Variants in DNMT1 observed in about 807,000 individuals in gnomAD.
DNMT1 encodes the protein DNA methyltransferase 1.
A neutral mutation model predicts 205.3 loss-of-function variants in DNMT1; 24 were observed. The ratio of observed to expected loss-of-function variants is 0.12; its 90% CI spans 0.08 to 0.16. The LOEUF (loss-of-function observed/expected upper bound fraction) is 0.16. Among genes scored for constraint, DNMT1 ranks in the 10% least tolerant of loss-of-function variants. DNMT1 has a pLI of 1.00. For synonymous variants in DNMT1, 817 were observed against 839.8 expected, an observed-to-expected ratio of 0.97 and a Z score of 0.47; for missense variants, 1,293 against 2,177.7, an observed-to-expected ratio of 0.59 and a Z score of 8.09.
Position 10,154,041 on chromosome 19 carries a change from G to C in DNMT1, c.2019+252C>G, listed in dbSNP as rs1390158239. Among the ~76,000 whole-genome samples, 1 of 152,214 alleles carries C rather than the reference G, an allele frequency of 6.6e-6. No homozygotes were observed. Among genetic ancestry groups the C allele is most frequent in the African/African-American group, 2.4e-5 (1 of 41,454 alleles). ...GATGCAGGCACAGCAGAGCCACCCA[G>C]AAGCCAGGCTCTTCAATTAAGGACA... On this transcript the variant is annotated intron_variant, in intron 22 of 40. Coordinates refer to ENST00000359526, the MANE Select transcript of DNMT1 (RefSeq NM_001130823.3). The surrounding 1 kb of genome is among the most constrained non-coding windows in gnomAD (Gnocchi z 6.3).
intron 30 of DNMT1, chr19:10,141,776 C>G (rs1451781312): frequency 5.5e-6 from 3 of 541,844 alleles, no homozygotes; most frequent in Non-Finnish European, 9.9e-6. Context: ...GTTAGGTTCT[C>G]TAATGACGTA....
chr19:10,134,709 T>C (rs926297913), intron 39 of DNMT1, among the ~76,000 whole-genome samples: 1 of 149,764 alleles, frequency 6.7e-6, no homozygotes, highest in Admixed American at 6.7e-5. Flanking sequence ...CAAAAACTAA[T>C]TAGCTGGGCA....
intron 39 of DNMT1, chr19:10,135,331 T>TATG: frequency 3.9e-6 from 1 of 254,948 alleles, no homozygotes; most frequent in Non-Finnish European, 7.9e-6. Context: ...GCGCGTGCCC[T>TATG]ATGATGAAAA....
chr19:10,140,757 G>A lies in DNMT1; in HGVS notation c.3523+24C>T. On this transcript the variant is annotated intron_variant, in intron 32 of 40. Coordinates refer to ENST00000359526, the MANE Select transcript of DNMT1 (RefSeq NM_001130823.3). This position sits in a 1 kb window ranked among gnomAD's most constrained non-coding sequence, Gnocchi z 8.4. ...CCGGTCTGGGCTCACCAGGTATTCA[G>A]AGATGGAGCCTACGGGCGCTCACCT... 6.2e-7 allele frequency: 1 copy of A among 1,613,974 alleles called. No homozygotes were observed. Among genetic ancestry groups the A allele is most frequent in the South Asian group, 1.1e-5 (1 of 91,074 alleles).
At chr19:10,160,318 T>G in intron 14 of DNMT1, 66 bp downstream of exon 14, 2 of 1,606,038 alleles carry the variant, frequency 1.2e-6, no homozygotes, top group Non-Finnish European at 1.7e-6. Flanking sequence ...CCCCTTCCCT[T>G]TTGTTCTAGA....
chr19:10,149,115 G>A (rs1404411265), intron 26 of DNMT1, 98 bp from the exon 27 acceptor site: 2 of 1,523,306 alleles, frequency 1.3e-6, no homozygotes, highest in East Asian at 4.8e-5. Context: ...CCTAAGGTCA[G>A]GAGTTCGAGA....
At chr19:10,172,403 C>T (rs1377968644) in intron 9 of DNMT1, among the ~76,000 whole-genome samples, 3 of 132,224 alleles carry the variant, frequency 2.3e-5, no homozygotes, top group Non-Finnish European at 4.7e-5. Flanking sequence ...AAGACTCCAT[C>T]TCAAAAAAAA....
At chr19:10,142,580 G>A (rs1405671537) in intron 29 of DNMT1, among the ~76,000 whole-genome samples, 1 of 148,818 alleles carries the variant, frequency 6.7e-6, no homozygotes, top group Admixed American at 6.7e-5. Context: ...GAACTGCAAG[G>A]TAGATTCCCC....
chr19:10,141,771 G>A (rs1354263110), intron 30 of DNMT1: 1 of 529,050 alleles, frequency 1.9e-6, no homozygotes, highest in Non-Finnish European at 3.4e-6. Context: ...AAAACGTTAG[G>A]TTCTCTAATG....
In DNMT1 at chr19:10,151,556, A is replaced by G; in HGVS notation, c.2118-11T>C. Reference sequence around the variant, plus strand: ...GCCATATTGGGACACCTGCAATGTCACTGGTTATACCTAAGGCCCCTTTTC... The same window carrying G: ...GCCATATTGGGACACCTGCAATGTCGCTGGTTATACCTAAGGCCCCTTTTC... On this transcript the variant is annotated splice_polypyrimidine_tract_variant and intron_variant, in intron 23 of 40. Transcript: ENST00000359526. The surrounding 1 kb of genome is among the most constrained non-coding windows in gnomAD (Gnocchi z 5.0). 1 of 1,613,404 alleles carries G rather than the reference A, an allele frequency of 6.2e-7. No individual in the cohort carries two copies. The highest frequency in any genetic ancestry group is 8.5e-7 in the Non-Finnish European group (1 of 1,180,020).
intron 19 of DNMT1, 74 bp from the exon 20 acceptor site, chr19:10,155,130 G>T: frequency 6.3e-7 from 1 of 1,594,372 alleles, no homozygotes; most frequent in Non-Finnish European, 8.6e-7. Flanking sequence ...GGGCATGGAG[G>T]AGTCTACCAA....
At chr19:10,150,434 T>C (rs2038313896) in intron 24 of DNMT1, among the ~76,000 whole-genome samples, 1 of 152,170 alleles carries the variant, frequency 6.6e-6, no homozygotes. Context: ...CTACCTGACC[T>C]TCTCCATCTC....
In DNMT1 at chr19:10,133,642, A is replaced by T. The variant is rs1459005103; in HGVS notation, c.*25T>A. ...GCATGTTGGGGATTCCTGGTGCCAGAAACAGGGGTGACGGGAGGGCAGAAC... is the reference window on the plus strand; with the variant it reads ...GCATGTTGGGGATTCCTGGTGCCAGTAACAGGGGTGACGGGAGGGCAGAAC... On this transcript the variant is annotated 3_prime_UTR_variant, in exon 41 of 41. Transcript: ENST00000359526. This position sits in a 1 kb window ranked among gnomAD's most constrained non-coding sequence, Gnocchi z 4.1. 1.3e-6 allele frequency: 2 copies of T among 1,594,970 alleles called. No homozygotes were observed. The highest frequency in any genetic ancestry group is 1.7e-6 in the Non-Finnish European group (2 of 1,169,904).
In DNMT1 at chr19:10,146,457, G is replaced by A. The variant is rs2145283472; in HGVS notation, c.2788C>T (p.Leu930Phe). Residue 930 changes from leucine to phenylalanine, a missense_variant, in exon 28 of 41, where the codon CTC (leucine) becomes TTC (phenylalanine). By Grantham distance (22) the Leu-to-Phe change is conservative (BLOSUM62 0). Around this residue, in one of 13 missense-constraint regions of DNMT1, gnomAD observed 112 missense variants for 116.6 expected, o/e 0.96. Transcript: ENST00000359526. This position sits in a 1 kb window ranked among gnomAD's most constrained non-coding sequence, Gnocchi z 4.4. ...QKEIPRVLEQ[L>F]EDLDSRVLYY... ...AGGACCCGGCTATCCAGGTCCTCGAGCTGCTCCAGGACCCTGGGGATTTCT... is the reference window on the plus strand; with the variant it reads ...AGGACCCGGCTATCCAGGTCCTCGAACTGCTCCAGGACCCTGGGGATTTCT... 5.0e-6 allele frequency: 8 copies of A among 1,614,158 alleles called. No individual in the cohort carries two copies. Among genetic ancestry groups the A allele is most frequent in the Non-Finnish European group, 5.9e-6 (7 of 1,180,020 alleles).
Position 10,155,873 on chromosome 19 carries a change from G to A in DNMT1, c.1472C>T (p.Ala491Val). ...WITGFDGGEK[A>V]LIGFSTSFAE... ...CTTACAGGTGCTGAAGCCGATGAGG[G>A]CCTTTTCACCTCCATCAAAGCCAGT... The change falls in exon 19 of 41, where the codon GCC becomes GTC. Residue 491 changes from alanine (A) to valine (V), a missense_variant. Around this residue, in one of 13 missense-constraint regions of DNMT1, gnomAD observed 120 missense variants for 315.9 expected, o/e 0.38. Transcript: ENST00000359526. 6.2e-7 allele frequency: 1 copy of A among 1,613,700 alleles called. No homozygotes were observed. Among genetic ancestry groups the A allele is most frequent in the Non-Finnish European group, 8.5e-7 (1 of 1,179,842 alleles).
chr19:10,173,834 C>A, intron 8 of DNMT1, 37 bp downstream of exon 8: 1 of 1,610,962 alleles, frequency 6.2e-7, no homozygotes, highest in South Asian at 1.1e-5. Flanking sequence ...TTACACAACT[C>A]GTAGAACAAA....
rs2145260559 is a variant in DNMT1, at chr19:10,138,528, C to G, written c.4026G>C (p.Leu1342=). ...CAAACACGTGCAGTGGCTCCGGGAA[C>G]AGAGGGAGCTTCTCTCCAGGGGCCG... is the stretch of plus-strand genomic sequence containing the variant. The part of the protein sequence containing the change: ...LAAAPGEKLP[L]FPEPLHVFAP... The change falls in exon 35 of 41, where the codon CTG becomes CTC. Residue 1342 remains leucine (L), a synonymous_variant. Coordinates refer to ENST00000359526, the MANE Select transcript of DNMT1 (RefSeq NM_001130823.3). This position sits in a 1 kb window ranked among gnomAD's most constrained non-coding sequence, Gnocchi z 4.1. 2 of 1,612,964 alleles carry G rather than the reference C, an allele frequency of 1.2e-6. No homozygotes were observed. Among genetic ancestry groups the G allele is most frequent in the Non-Finnish European group, 1.7e-6 (2 of 1,180,036 alleles).
chr19:10,180,405 T>C lies in DNMT1; in HGVS notation c.390A>G (p.Lys130=), dbSNP rs373499917. Residue 130 remains lysine (K), a synonymous_variant, in exon 4 of 41, where the codon AAA becomes AAG. Transcript: ENST00000359526. ...VGMADANSPP[K]PLSKPRTPRR... The stretch of plus-strand genomic sequence containing the variant: ...TGGGCGTGCGAGGTTTGGAAAGGGG[T>C]TTGGGGGGGCTGTTGGCATCTGCCA... 189 of 1,613,820 alleles carry C rather than the reference T, an allele frequency of 1.2e-4. No homozygotes were observed. The highest frequency in any genetic ancestry group is 1.5e-4 in the Non-Finnish European group (176 of 1,179,998).
rs1338499263 is a variant in DNMT1 at position 10,146,179 on chromosome 19, A to G, written c.2894+172T>C. Among the ~76,000 whole-genome samples the G allele has an allele frequency of 6.6e-6, 1 of 152,118 alleles. No individual in the cohort carries two copies. Among genetic ancestry groups the G allele is most frequent in the African/African-American group, 2.4e-5 (1 of 41,436 alleles). ...CTCAGCTTTGCTCTGCAATAGCATCATGGTCAGTCTACACGATTTATGTTG... is the reference window on the plus strand; with the variant it reads ...CTCAGCTTTGCTCTGCAATAGCATCGTGGTCAGTCTACACGATTTATGTTG... On this transcript the variant is annotated intron_variant, in intron 28 of 40. Transcript: ENST00000359526. This position sits in a 1 kb window ranked among gnomAD's most constrained non-coding sequence, Gnocchi z 4.4.
Sources: allele counts gnomAD v4.1 joint callset (sites outside exome capture counted in the v4.1 genomes callset), GRCh38; gene constraint gnomAD v4.1.1; regional missense constraint gnomAD v4.1.1; non-coding constraint Gnocchi (gnomAD v3.1); transcripts MANE v1.5; gene names NCBI Gene and HGNC (gene_info 2026-07-23, HGNC 2026-07-21).